RUNX1: variants seen among roughly 807,000 people sequenced by gnomAD.
RUNX1 encodes the protein runt-related transcription factor 1.
Under a neutral mutation model 42.8 loss-of-function variants are expected in RUNX1, and 19 were observed. That is an observed-to-expected ratio of 0.44 (90% CI 0.31 to 0.65). RUNX1 has a LOEUF of 0.65. Ranked by LOEUF, RUNX1 falls within the 30% of genes least tolerant of loss-of-function variation. The probability of loss-of-function intolerance (pLI) is 0.07; values close to 1 mark genes in which losing one functional copy is unlikely to be tolerated. For missense variants in RUNX1, 528 were observed against 672.0 expected (o/e 0.79, Z 2.37); for synonymous variants, 271 against 289.4 (o/e 0.94, Z 0.64).
At chr21:35,030,830 T>A (rs2059267641) in intron 2 of RUNX1, among the ~76,000 whole-genome samples, 1 of 152,198 alleles carries the variant, frequency 6.6e-6, no homozygotes, top group South Asian at 2.1e-4. Flanking sequence ...TAGCATTTGA[T>A]AAGGTATTAA....
intron 2 of RUNX1, among the ~76,000 whole-genome samples, chr21:34,920,423 A>G (rs1004797178): frequency 2.6e-5 from 4 of 152,194 alleles, no homozygotes; most frequent in African/African-American, 9.7e-5. Flanking sequence ...GCAGCTTCCA[A>G]CTGGAAACAC....
At chr21:34,943,430 CT>C (rs1375167262) in intron 2 of RUNX1, among the ~76,000 whole-genome samples, 4 of 152,192 alleles carry the variant, frequency 2.6e-5, no homozygotes, top group South Asian at 2.1e-4. Flanking sequence ...TTAAAAGGAT[CT>C]TTACTATCCT....
chr21:35,020,754 T>A (rs1010690887), intron 2 of RUNX1, among the ~76,000 whole-genome samples: 4 of 152,194 alleles, frequency 2.6e-5, no homozygotes, highest in African/African-American at 4.8e-5. Context: ...AGAATCTTGA[T>A]TAGAAAACCC....
At chr21:35,012,754 T>G (rs529726624) in intron 2 of RUNX1, among the ~76,000 whole-genome samples, 4 of 152,080 alleles carry the variant, frequency 2.6e-5, no homozygotes. Context: ...ATGATTACAC[T>G]TGCTGTCACA....
rs147705640 is a variant in RUNX1, at chr21:34,815,359, G to A, written c.806-15897C>T. Among the ~76,000 whole-genome samples the A allele has an allele frequency of 2.5e-3, 379 of 152,302 alleles. 3 individuals carry two copies. Among genetic ancestry groups the A allele is most frequent in the African/African-American group, 8.1e-3 (337 of 41,572 alleles). ...ATTCTGCTAGGAGAATGCTGGGGAG[G>A]GGAGGGACTGGGGAAGGTTCCTTGG... On this transcript the variant is annotated intron_variant, in intron 7 of 8. Coordinates refer to ENST00000675419, the MANE Select transcript of RUNX1 (RefSeq NM_001754.5).
intron 7 of RUNX1, among the ~76,000 whole-genome samples, chr21:34,808,487 G>C (rs906678912): frequency 2.0e-5 from 3 of 152,154 alleles, no homozygotes; most frequent in Non-Finnish European, 4.4e-5. Context: ...AGGGCCCTGT[G>C]AATCAAGAAT....
chr21:34,877,095 G>A (rs1031284479), intron 5 of RUNX1, among the ~76,000 whole-genome samples: 1 of 152,124 alleles, frequency 6.6e-6, no homozygotes, highest in African/African-American at 2.4e-5. Context: ...CTGACCTCAG[G>A]TGATCCACCC....
chr21:34,909,272 A>G (rs1466684001), intron 2 of RUNX1, among the ~76,000 whole-genome samples: 1 of 152,162 alleles, frequency 6.6e-6, no homozygotes, highest in Admixed American at 6.5e-5. Context: ...TGATATGGTG[A>G]TCTCTGGAAC....
At chr21:35,045,140 C>T (rs540856725) in intron 2 of RUNX1, among the ~76,000 whole-genome samples, 5 of 152,262 alleles carry the variant, frequency 3.3e-5, no homozygotes, top group East Asian at 3.9e-4. Context: ...AGTTTCTTAG[C>T]GTGCAAAAAG....
chr21:34,980,950 A>G (rs538721000), intron 2 of RUNX1, among the ~76,000 whole-genome samples: 1 of 152,372 alleles, frequency 6.6e-6, no homozygotes, highest in African/African-American at 2.4e-5. Context: ...TGGAAGCATC[A>G]GCTACAATTA....
intron 2 of RUNX1, among the ~76,000 whole-genome samples, chr21:34,954,471 A>G (rs1333467020): frequency 1.3e-5 from 2 of 152,130 alleles, no homozygotes; most frequent in African/African-American, 4.8e-5. Flanking sequence ...GGGGCTAACG[A>G]TGCTAGGGAA....
At chr21:34,963,705 G>A (rs73900742) in intron 2 of RUNX1, among the ~76,000 whole-genome samples, 5,573 of 152,218 alleles carry the variant, frequency 0.037, 334 homozygotes, top group African/African-American at 0.13. Context: ...GTCCGGAGGC[G>A]AGACAAGATG....
At chr21:34,958,491 C>T (rs1306400846) in intron 2 of RUNX1, among the ~76,000 whole-genome samples, 1 of 152,148 alleles carries the variant, frequency 6.6e-6, no homozygotes, top group African/African-American at 2.4e-5. Context: ...AAATCAAAAC[C>T]ACAGTGAGAT....
chr21:34,870,974 A>T (rs976256055), intron 5 of RUNX1, among the ~76,000 whole-genome samples: 2 of 151,954 alleles, frequency 1.3e-5, no homozygotes, highest in Non-Finnish European at 2.9e-5. Flanking sequence ...AACAAAAACA[A>T]AAAAACAAAC....
chr21:34,987,682 A>G (rs2058901881), intron 2 of RUNX1, among the ~76,000 whole-genome samples: 1 of 152,188 alleles, frequency 6.6e-6, no homozygotes, highest in Non-Finnish European at 1.5e-5. Context: ...GAGGGGGAAA[A>G]AAAGAGCATT....
intron 8 of RUNX1, among the ~76,000 whole-genome samples, chr21:34,796,509 C>T (rs910457493): frequency 6.6e-6 from 1 of 152,190 alleles, no homozygotes; most frequent in Non-Finnish European, 1.5e-5. Context: ...TTGGGATCCC[C>T]TGATATTCAC....
chr21:34,812,666 C>A (rs982008273), intron 7 of RUNX1, among the ~76,000 whole-genome samples: 1 of 152,174 alleles, frequency 6.6e-6, no homozygotes, highest in Non-Finnish European at 1.5e-5. Flanking sequence ...CGTTTATTGA[C>A]TTAGAGAAAG....
chr21:34,932,620 C>T (rs1240829718), intron 2 of RUNX1, among the ~76,000 whole-genome samples: 1 of 152,154 alleles, frequency 6.6e-6, no homozygotes, highest in Non-Finnish European at 1.5e-5. Context: ...ATCTTTATGG[C>T]TCCCTAATAT....
chr21:35,036,471 C>T lies in RUNX1; in HGVS notation c.58+12371G>A, dbSNP rs563212469. Among the ~76,000 whole-genome samples, 6 of 152,132 alleles carry T rather than the reference C, an allele frequency of 3.9e-5. No homozygotes were observed. The South Asian group carries it at 1.2e-3, about 32-fold the overall frequency. On this transcript the variant is annotated intron_variant, in intron 2 of 8. Transcript: ENST00000675419. ...TTTATGATTGCATCCTTCAGCATGC[C>T]GAACCCCTCCAGAAAGGGAAGGAAC...
Sources: allele counts gnomAD v4.1 joint callset (sites outside exome capture counted in the v4.1 genomes callset), GRCh38; gene constraint gnomAD v4.1.1; transcripts MANE v1.5; gene names NCBI Gene and HGNC (gene_info 2026-07-23, HGNC 2026-07-21).